EXOSC8: variants seen among roughly 807,000 people sequenced by gnomAD.
The protein encoded by EXOSC8 is exosome component 8.
Under a neutral mutation model 39.9 loss-of-function variants are expected in EXOSC8, and 37 were observed. The observed-to-expected ratio is 0.93, with a 90% CI of 0.71 to 1.22. EXOSC8 has a LOEUF of 1.22. EXOSC8 is among the 50% of genes most tolerant of loss of function. The pLI, the probability that EXOSC8 is intolerant of heterozygous loss-of-function variation, is 0.00. For missense variants in EXOSC8, 313 were observed against 326.6 expected, an observed-to-expected ratio of 0.96 and a Z score of 0.32; for synonymous variants, 93 against 109.5, an observed-to-expected ratio of 0.85 and a Z score of 0.94.
intron 9 of EXOSC8, 85 bp from the exon 10 acceptor site, chr13:37,008,644 T>C (rs2059173601): frequency 1.2e-6 from 1 of 830,750 alleles, no homozygotes; most frequent in Non-Finnish European, 2.0e-6. Context: ...TAATTCCAGC[T>C]ACTTGGGAGG....
intron 9 of EXOSC8, 144 bp downstream of exon 9, chr13:37,008,321 C>T (rs1317791229): frequency 1.4e-6 from 1 of 696,214 alleles, no homozygotes; most frequent in East Asian, 2.7e-5. Context: ...TGTCCCTGCA[C>T]AATTATTTCT....
At chr13:37,000,913 C>G (rs889154099) in intron 1 of EXOSC8, 91 bp downstream of exon 1, 5 of 1,391,770 alleles carry the variant, frequency 3.6e-6, no homozygotes, top group East Asian at 2.9e-5. Flanking sequence ...ACCTGGAGGC[C>G]GACCCCGTTG....
chr13:37,007,269 ACTT>A (rs1461790854), intron 8 of EXOSC8, among the ~76,000 whole-genome samples, 198 bp downstream of exon 8: 5 of 152,188 alleles, frequency 3.3e-5, no homozygotes, highest in Admixed American at 3.3e-4. Flanking sequence ...GTACCCATCT[ACTT>A]AAGTTAGGAC....
rs2059112304 is a variant in EXOSC8 at position 37,002,386 on chromosome 13, T to G, written c.54+77T>G. On this transcript the variant is annotated intron_variant, in intron 2 of 10. Coordinates refer to ENST00000389704, the MANE Select transcript of EXOSC8 (RefSeq NM_181503.3). The stretch of plus-strand genomic sequence containing the variant: ...AAGATGAATTTCAAGTAATTTAAAT[T>G]AATCCATTTGAAGTAACATTTAATG... 4 of 1,419,026 alleles carry G rather than the reference T, an allele frequency of 2.8e-6. No homozygotes were observed. The East Asian group carries it at 9.2e-5, about 32-fold the overall frequency. The allele number at this position is 1,419,026 out of a possible 1,614,324, so 87.9% of individuals were successfully genotyped here. A position where few individuals can be genotyped will look rare whatever the true frequency, so the allele number is the denominator to read the frequency against.
At chr13:37,005,844 C>G in intron 5 of EXOSC8, 76 bp from the exon 6 acceptor site, 1 of 717,058 alleles carries the variant, frequency 1.4e-6, no homozygotes, top group Non-Finnish European at 2.2e-6. Flanking sequence ...AGCCTGGCAA[C>G]AGAGCAAGAC....
chr13:37,004,291 G>C (rs1181920261), intron 4 of EXOSC8: 4 of 380,302 alleles, frequency 1.1e-5, no homozygotes, highest in Non-Finnish European at 1.9e-5. Flanking sequence ...TTTTTTAAAA[G>C]ATCTCCAGGT....
rs570284201 is a variant in EXOSC8, at chr13:37,002,974, G to C, written c.159G>C (p.Leu53Phe). 6.2e-7 allele frequency: 1 copy of C among 1,609,476 alleles called. No homozygotes were observed. The highest frequency in any genetic ancestry group is 2.2e-5 in the East Asian group (1 of 44,730). ...CAGATGGTTCTGCTTTAGTGAAGTT[G>C]GGAAATACTACAGTAATCTGTGGAG... Reference protein sequence around the residue: ...STADGSALVKLGNTTVICGVK... With the variant: ...STADGSALVKFGNTTVICGVK... The change falls in exon 4 of 11, where the codon TTG becomes TTC. Residue 53 changes from leucine to phenylalanine, a missense_variant. Transcript: ENST00000389704.
At position 37,009,450 on chromosome 13, in the gene EXOSC8, G is replaced by GA; in HGVS notation, c.*154dup. The GA allele has an allele frequency of 1.4e-6, 1 of 738,976 alleles. No individual in the cohort carries two copies. Among genetic ancestry groups the GA allele is most frequent in the Non-Finnish European group, 2.2e-6 (1 of 450,346 alleles). The allele number at this position is 738,976 out of a possible 1,614,324, so 45.8% of individuals were successfully genotyped here. ...CACTTCCATATATATTATGTATAGT[G>GA]AAACCATTTTTAAAAAGCAATGACT... On this transcript the variant is annotated 3_prime_UTR_variant, in exon 11 of 11. Coordinates refer to ENST00000389704, the MANE Select transcript of EXOSC8 (RefSeq NM_181503.3).
chr13:37,007,683 C>A lies in EXOSC8; in HGVS notation c.488-374C>A, dbSNP rs556344770. 2.6e-3 allele frequency among the ~76,000 whole-genome samples: 390 copies of A among 152,282 alleles called. 2 individuals carry two copies. The highest frequency in any genetic ancestry group is 9.0e-3 in the African/African-American group (376 of 41,554). On this transcript the variant is annotated intron_variant, in intron 8 of 10. Coordinates refer to ENST00000389704, the MANE Select transcript of EXOSC8 (RefSeq NM_181503.3). ...GGTTAAAGTAGATTCCTGGCTCTCT[C>A]ACTCTGTGCTGAAGTTTCCTTATCT...
At chr13:37,009,127 G>C in intron 10 of EXOSC8, 57 bp from the exon 11 acceptor site, 1 of 1,163,450 alleles carries the variant, frequency 8.6e-7, no homozygotes, top group Non-Finnish European at 1.3e-6. Flanking sequence ...TGACATTAAT[G>C]TTTTTTGAAA....
At chr13:37,007,436 G>C (rs909380320) in intron 8 of EXOSC8, among the ~76,000 whole-genome samples, 1 of 152,164 alleles carries the variant, frequency 6.6e-6, no homozygotes, top group African/African-American at 2.4e-5. Context: ...TGTTTTTACT[G>C]TGAGGCCATA....
intron 4 of EXOSC8, 80 bp downstream of exon 4, chr13:37,003,087 C>A: frequency 1.2e-6 from 1 of 843,212 alleles, no homozygotes; most frequent in Non-Finnish European, 2.0e-6. Flanking sequence ...ACCTGTAATT[C>A]TACTCTTGAT....
intron 7 of EXOSC8, among the ~76,000 whole-genome samples, chr13:37,006,637 T>C (rs2138849427): frequency 6.6e-6 from 1 of 152,242 alleles, no homozygotes; most frequent in Admixed American, 6.5e-5. Flanking sequence ...AGAACGTGCA[T>C]TTTGAATTTT....
At chr13:37,002,115 G>C (rs1164321720) in intron 1 of EXOSC8, among the ~76,000 whole-genome samples, 158 bp from the exon 2 acceptor site, 1 of 152,198 alleles carries the variant, frequency 6.6e-6, no homozygotes, top group Non-Finnish European at 1.5e-5. Context: ...AATTGAATGT[G>C]ATTGCTACTA....
intron 8 of EXOSC8, 72 bp from the exon 9 acceptor site, chr13:37,007,985 T>TAAA: frequency 2.1e-6 from 2 of 961,834 alleles, no homozygotes; most frequent in Admixed American, 2.7e-5. Flanking sequence ...AAAGGTGAAT[T>TAAA]AAAAAAAAAA....
chr13:37,006,221 G>C (rs911492789), intron 7 of EXOSC8, 61 bp downstream of exon 7: 15 of 1,149,594 alleles, frequency 1.3e-5, no homozygotes, highest in Non-Finnish European at 1.6e-5. Context: ...TTTTTTGTGG[G>C]GGAAAGTGAA....
intron 3 of EXOSC8, 106 bp downstream of exon 3, chr13:37,002,657 A>T (rs2059114285): frequency 2.4e-6 from 2 of 832,088 alleles, no homozygotes; most frequent in East Asian, 5.1e-5. Flanking sequence ...GGATTTGATG[A>T]TTTTTTTTGT....
chr13:37,008,853 C>A lies in EXOSC8; in HGVS notation c.715+18C>A, dbSNP rs747508497. 4 of 1,460,674 alleles carry A rather than the reference C, an allele frequency of 2.7e-6. No homozygotes were observed. Among genetic ancestry groups the A allele is most frequent in the East Asian group, 2.3e-5 (1 of 44,040 alleles). The allele number at this position is 1,460,674 out of a possible 1,614,324, so 90.5% of individuals were successfully genotyped here. A position where few individuals can be genotyped will look rare whatever the true frequency, so the allele number is the denominator to read the frequency against. ...CAAACCAGGCATGTTCCCGCCACTT[C>A]AGTCCTAAACATATGTAGATGAAAA... On this transcript the variant is annotated intron_variant, in intron 10 of 10. Coordinates refer to ENST00000389704, the MANE Select transcript of EXOSC8 (RefSeq NM_181503.3).
At position 37,009,286 on chromosome 13, in the gene EXOSC8, T is replaced by C; in HGVS notation, c.818T>C (p.Met273Thr). ...KKLMDEVIKS[M>T]KPK ...CTGATGGATGAAGTAATTAAGAGTA[T>C]GAAACCCAAATAAACAGCCACCACA... Residue 273 changes from methionine to threonine, a missense_variant, in exon 11 of 11, where the codon ATG becomes ACG. By Grantham distance (81) the Met-to-Thr change is moderately conservative. Coordinates refer to ENST00000389704, the MANE Select transcript of EXOSC8 (RefSeq NM_181503.3). 2.5e-6 allele frequency: 4 copies of C among 1,590,258 alleles called. No homozygotes were observed. Among genetic ancestry groups the C allele is most frequent in the Non-Finnish European group, 3.4e-6 (4 of 1,159,816 alleles).
Sources: allele counts gnomAD v4.1 joint callset (sites outside exome capture counted in the v4.1 genomes callset), GRCh38; gene constraint gnomAD v4.1.1; transcripts MANE v1.5; gene names NCBI Gene and HGNC (gene_info 2026-07-23, HGNC 2026-07-21).